CAMK1D: variants seen among roughly 807,000 people sequenced by gnomAD.
CAMK1D encodes calcium/calmodulin-dependent protein kinase type 1D.
Under a neutral mutation model 47.7 loss-of-function variants are expected in CAMK1D, and 9 were observed. The ratio of observed to expected loss-of-function variants is 0.19; its 90% CI spans 0.11 to 0.33. The LOEUF (loss-of-function observed/expected upper bound fraction) is 0.33, where lower values mean the gene tolerates loss of function less well. Among genes scored for constraint, CAMK1D ranks in the 10% least tolerant of loss-of-function variants. The pLI, the probability that CAMK1D is intolerant of heterozygous loss-of-function variation, is 1.00. For missense variants in CAMK1D, 291 were observed against 488.7 expected (o/e 0.60, Z 3.81); for synonymous variants, 184 against 184.9 (o/e 0.99, Z 0.04).
intron 1 of CAMK1D, among the ~76,000 whole-genome samples, chr10:12,505,001 G>A (rs1588564144): frequency 6.7e-6 from 1 of 148,978 alleles, no homozygotes; most frequent in Admixed American, 6.6e-5. Flanking sequence ...CGAAGCACAG[G>A]CTGCCACTGA....
chr10:12,454,295 T>G (rs944022381), intron 1 of CAMK1D, among the ~76,000 whole-genome samples: 15 of 152,278 alleles, frequency 9.9e-5, no homozygotes, highest in African/African-American at 3.6e-4. Context: ...CCTGAGTAGC[T>G]GGGACTACAG....
intron 5 of CAMK1D, 85 bp downstream of exon 5, chr10:12,769,884 G>GC: frequency 6.7e-7 from 1 of 1,481,486 alleles, no homozygotes; most frequent in Non-Finnish European, 9.3e-7. Flanking sequence ...CTCATCAGTT[G>GC]TGTGAAACAT....
chr10:12,728,403 G>A (rs1455197775), intron 3 of CAMK1D, among the ~76,000 whole-genome samples: 1 of 152,198 alleles, frequency 6.6e-6, no homozygotes, highest in South Asian at 2.1e-4. Flanking sequence ...GTGTTATAAT[G>A]TTAGTCCATT....
chr10:12,542,416 G>A (rs1836226134), intron 1 of CAMK1D, among the ~76,000 whole-genome samples: 1 of 152,182 alleles, frequency 6.6e-6, no homozygotes, highest in Non-Finnish European at 1.5e-5. Context: ...AAGGCAAAGA[G>A]CCAATAATAG....
At chr10:12,398,123 C>T (rs1203298744) in intron 1 of CAMK1D, among the ~76,000 whole-genome samples, 1 of 152,084 alleles carries the variant, frequency 6.6e-6, no homozygotes, top group Admixed American at 6.6e-5. Flanking sequence ...ACCAGTGGAG[C>T]TAAATACCAC....
rs776485619 is a variant in CAMK1D, at chr10:12,828,758, G to A, written c.1040-11G>A. 1 of 1,607,676 alleles carries A rather than the reference G, an allele frequency of 6.2e-7. No homozygotes were observed. The highest frequency in any genetic ancestry group is 8.5e-7 in the Non-Finnish European group (1 of 1,174,926). On this transcript the variant is annotated splice_polypyrimidine_tract_variant and intron_variant, in intron 10 of 10. Coordinates refer to ENST00000619168, the MANE Select transcript of CAMK1D (RefSeq NM_153498.4). The stretch of plus-strand genomic sequence containing the variant: ...TGAAACTCTGAAGCCCACTTCTGCT[G>A]TTCCCTGCAGGTCTGGCACCTTCCA...
intron 3 of CAMK1D, among the ~76,000 whole-genome samples, chr10:12,743,707 A>T (rs1183445052): frequency 6.6e-6 from 1 of 152,134 alleles, no homozygotes; most frequent in East Asian, 1.9e-4. Context: ...GGCAGTCATG[A>T]ATCTACATTC....
chr10:12,813,383 T>C (rs1378157784), intron 6 of CAMK1D, among the ~76,000 whole-genome samples: 1 of 152,222 alleles, frequency 6.6e-6, no homozygotes, highest in Non-Finnish European at 1.5e-5. Flanking sequence ...TTCATTTTCT[T>C]CCTCTGGTGA....
chr10:12,492,931 CCTCT>C, intron 1 of CAMK1D, among the ~76,000 whole-genome samples: 1 of 152,304 alleles, frequency 6.6e-6, no homozygotes, highest in Middle Eastern at 3.4e-3. Context: ...AGTCCCACTC[CCTCT>C]GTCTCTGGCT....
chr10:12,385,723 G>C (rs1300739899), intron 1 of CAMK1D, among the ~76,000 whole-genome samples: 2 of 147,360 alleles, frequency 1.4e-5, no homozygotes, highest in Non-Finnish European at 3.0e-5. Flanking sequence ...ATTATACTGA[G>C]AACCATTGAA....
intron 6 of CAMK1D, among the ~76,000 whole-genome samples, chr10:12,800,111 C>G (rs967022088): frequency 3.5e-4 from 54 of 152,176 alleles, no homozygotes; most frequent in African/African-American, 1.3e-3. Flanking sequence ...AATATGTGAA[C>G]CATTCCTAGT....
chr10:12,791,511 G>A (rs1397723191), intron 6 of CAMK1D, among the ~76,000 whole-genome samples: 2 of 152,004 alleles, frequency 1.3e-5, no homozygotes, highest in Non-Finnish European at 2.9e-5. Context: ...GGAAACCTCT[G>A]TACTCTTTTC....
intron 5 of CAMK1D, among the ~76,000 whole-genome samples, chr10:12,780,160 C>T (rs542517777): frequency 3.9e-5 from 6 of 152,100 alleles, no homozygotes; most frequent in Non-Finnish European, 8.8e-5. Context: ...GATCACTGCA[C>T]TTCTAGAAGT....
chr10:12,828,980 G>A lies in CAMK1D; in HGVS notation c.*93G>A. Reference sequence around the variant, plus strand: ...AGCCACTCCAGCGAGACCCCACCTTGCATGGTGCCCCTTCCTGCATAGGAC... The same window carrying A: ...AGCCACTCCAGCGAGACCCCACCTTACATGGTGCCCCTTCCTGCATAGGAC... On this transcript the variant is annotated 3_prime_UTR_variant, in exon 11 of 11. Coordinates refer to ENST00000619168, the MANE Select transcript of CAMK1D (RefSeq NM_153498.4). The A allele has an allele frequency of 1.2e-6, 1 of 861,286 alleles. No homozygotes were observed. The highest frequency in any genetic ancestry group is 1.8e-6 in the Non-Finnish European group (1 of 566,442). 53.4% of individuals were successfully genotyped at this position (861,286 alleles called of 1,614,324 possible).
intron 1 of CAMK1D, among the ~76,000 whole-genome samples, chr10:12,504,825 T>C (rs1834821610): frequency 6.6e-6 from 1 of 152,224 alleles, no homozygotes; most frequent in Non-Finnish European, 1.5e-5. Context: ...CAGGTTTTCC[T>C]TTGAATTCTG....
At chr10:12,412,804 C>T (rs1425615406) in intron 1 of CAMK1D, among the ~76,000 whole-genome samples, 1 of 151,792 alleles carries the variant, frequency 6.6e-6, no homozygotes. Flanking sequence ...GTGTTTGGTA[C>T]TGAGTTTTCT....
At position 12,489,660 on chromosome 10, in the gene CAMK1D, C is replaced by T. The variant is rs550501081; in HGVS notation, c.93-63565C>T. On this transcript the variant is annotated intron_variant, in intron 1 of 10. Transcript: ENST00000619168. ...GTTCCTAACCGGAGGTTGGGGATGC[C>T]TGGTTTACACGACATAAATGAATGG... Among the ~76,000 whole-genome samples the T allele has an allele frequency of 7.9e-5, 12 of 152,254 alleles. No homozygotes were observed. In the South Asian group the frequency reaches 2.3e-3, roughly 29 times the overall value.
intron 5 of CAMK1D, among the ~76,000 whole-genome samples, chr10:12,788,814 G>C (rs1271036587): frequency 6.6e-6 from 1 of 152,238 alleles, no homozygotes; most frequent in Non-Finnish European, 1.5e-5. Flanking sequence ...CCCAGGTTGA[G>C]TTCCCTCACT....
chr10:12,357,676 C>T (rs763905485), intron 1 of CAMK1D, among the ~76,000 whole-genome samples: 2 of 152,024 alleles, frequency 1.3e-5, no homozygotes, highest in Non-Finnish European at 2.9e-5. Flanking sequence ...AGCTGGTGCC[C>T]GAGTCAGCGG....
Sources: gnomAD v4.1 joint callset for allele counts (sites outside exome capture counted in the v4.1 genomes callset) on GRCh38, gnomAD v4.1.1 for gene constraint, MANE v1.5 for transcripts, NCBI Gene and HGNC (gene_info 2026-07-23, HGNC 2026-07-21) for gene names.